The following TBC1D1 variants were observed in gnomAD, a reference collection of about 807,000 sequenced individuals.
TBC1D1 encodes TBC1 (tre-2/USP6, BUB2, cdc16) domain family, member 1.
Under a neutral mutation model 125.6 loss-of-function variants are expected in TBC1D1, and 89 were observed. That is an observed-to-expected ratio of 0.71 (90% confidence interval 0.60 to 0.85). The LOEUF (loss-of-function observed/expected upper bound fraction) is 0.85, where lower values mean the gene tolerates loss of function less well. Among genes scored for constraint, TBC1D1 ranks in the 40% least tolerant of loss-of-function variants. The probability of loss-of-function intolerance (pLI) is 0.00; values close to 1 mark genes in which losing one functional copy is unlikely to be tolerated. For missense variants in TBC1D1, 1,377 were observed against 1,469.2 expected (o/e 0.94, Z 1.03); for synonymous variants, 565 against 564.1 (o/e 1.00, Z -0.02).
intron 13 of TBC1D1, among the ~76,000 whole-genome samples, chr4:38,094,008 T>C (rs762936542): frequency 1.3e-4 from 20 of 152,236 alleles, no homozygotes; most frequent in Non-Finnish European, 1.9e-4. Context: ...AAATTTTGAA[T>C]TACAGTTGAT....
At chr4:38,051,600 C>CGTA (rs1472877655) in intron 11 of TBC1D1, among the ~76,000 whole-genome samples, 1 of 151,884 alleles carries the variant, frequency 6.6e-6, no homozygotes, top group East Asian at 1.9e-4. Flanking sequence ...ATCGTGCTAC[C>CGTA]GCACTCCAGC....
chr4:38,060,522 C>T, intron 12 of TBC1D1: 1 of 710,522 alleles, frequency 1.4e-6, no homozygotes, highest in Non-Finnish European at 2.1e-6. Context: ...TGAATATCTT[C>T]TTTTGAGAAG....
intron 2 of TBC1D1, among the ~76,000 whole-genome samples, chr4:37,943,452 C>G (rs1477037758): frequency 1.3e-5 from 2 of 152,214 alleles, no homozygotes; most frequent in South Asian, 2.1e-4. Flanking sequence ...GTTCCATTCT[C>G]CCCATCACTT....
chr4:38,046,188 A>T (rs1269205058), intron 10 of TBC1D1, among the ~76,000 whole-genome samples: 1 of 152,030 alleles, frequency 6.6e-6, no homozygotes, highest in Non-Finnish European at 1.5e-5. Flanking sequence ...GCACAGTGAA[A>T]CCCCGTCTCT....
chr4:38,004,687 C>A (rs1314386905), intron 2 of TBC1D1, among the ~76,000 whole-genome samples: 1 of 152,074 alleles, frequency 6.6e-6, no homozygotes, highest in Non-Finnish European at 1.5e-5. Flanking sequence ...GGTAAATTAC[C>A]ATTAAGTGTA....
rs1210557333 is a variant in TBC1D1 at position 37,977,783 on chromosome 4, C to T, written c.418-36726C>T. On this transcript the variant is annotated intron_variant, in intron 2 of 19. Coordinates refer to ENST00000261439, the MANE Select transcript of TBC1D1 (RefSeq NM_015173.4). The surrounding 1 kb of genome is among the most constrained non-coding windows in gnomAD (Gnocchi z 4.3). Reference sequence around the variant, plus strand: ...AGACTGAGGCTGTACTCGGGGACCCCTGCGGGAGCCCGAACCCAGCAGGCG... The same window carrying T: ...AGACTGAGGCTGTACTCGGGGACCCTTGCGGGAGCCCGAACCCAGCAGGCG... Among the ~76,000 whole-genome samples the T allele has an allele frequency of 1.3e-5, 2 of 152,246 alleles. No individual in the cohort carries two copies. Among genetic ancestry groups the T allele is most frequent in the South Asian group, 2.1e-4 (1 of 4,832 alleles).
intron 2 of TBC1D1, among the ~76,000 whole-genome samples, chr4:37,935,148 A>T (rs1353009357): frequency 6.6e-6 from 1 of 152,188 alleles, no homozygotes; most frequent in Admixed American, 6.5e-5. Context: ...TCTTCCCCAG[A>T]AATGAGCAAT....
chr4:37,909,487 C>T (rs1001606501), intron 2 of TBC1D1, among the ~76,000 whole-genome samples: 5 of 152,180 alleles, frequency 3.3e-5, no homozygotes. Context: ...TAGAGTCTGG[C>T]TTCAATTGCA....
intron 2 of TBC1D1, among the ~76,000 whole-genome samples, chr4:38,011,363 A>G (rs536386154): frequency 2.0e-5 from 3 of 152,038 alleles, no homozygotes; most frequent in Non-Finnish European, 2.9e-5. Context: ...CAAAAAAAAA[A>G]AAAAAGAAAA....
intron 12 of TBC1D1, among the ~76,000 whole-genome samples, chr4:38,085,647 C>T (rs1423485257): frequency 6.6e-6 from 1 of 152,210 alleles, no homozygotes; most frequent in Non-Finnish European, 1.5e-5. Context: ...GGCCTCTGTG[C>T]AGCTGTCTCT....
chr4:37,899,102 T>C (rs540295241), intron 1 of TBC1D1, among the ~76,000 whole-genome samples: 1 of 152,230 alleles, frequency 6.6e-6, no homozygotes, highest in South Asian at 2.1e-4. Flanking sequence ...CCAGGAAATA[T>C]GCGATGGGTG....
intron 18 of TBC1D1, among the ~76,000 whole-genome samples, chr4:38,130,521 C>T (rs888321750): frequency 6.6e-6 from 1 of 152,080 alleles, no homozygotes; most frequent in Non-Finnish European, 1.5e-5. Context: ...ACCTAAGAGC[C>T]AGGATGACAG....
chr4:38,016,125 C>T (rs180726488), intron 3 of TBC1D1, among the ~76,000 whole-genome samples: 1 of 152,252 alleles, frequency 6.6e-6, no homozygotes, highest in East Asian at 1.9e-4. Flanking sequence ...ATTTAGATTC[C>T]AGTAAGGGAG....
At chr4:38,058,212 G>C (rs182523263) in intron 12 of TBC1D1, among the ~76,000 whole-genome samples, 2 of 152,186 alleles carry the variant, frequency 1.3e-5, no homozygotes, top group African/African-American at 4.8e-5. Flanking sequence ...GACAAATCAG[G>C]CATCTTTGTC....
At chr4:38,113,580 G>A (rs1354746193) in intron 15 of TBC1D1, among the ~76,000 whole-genome samples, 1 of 152,222 alleles carries the variant, frequency 6.6e-6, no homozygotes, top group Non-Finnish European at 1.5e-5. Context: ...TTTGATACCA[G>A]ACGGAGGGGT....
intron 14 of TBC1D1, among the ~76,000 whole-genome samples, chr4:38,097,489 G>A (rs975553551): frequency 5.9e-5 from 9 of 152,040 alleles, no homozygotes; most frequent in Admixed American, 2.6e-4. Context: ...ACAGGTGCCC[G>A]CCACCATGCC....
At chr4:37,956,585 G>A (rs1728980132) in intron 2 of TBC1D1, among the ~76,000 whole-genome samples, 1 of 152,088 alleles carries the variant, frequency 6.6e-6, no homozygotes, top group Admixed American at 6.6e-5. Flanking sequence ...CTTCCATTCT[G>A]TGTCTTTTCC....
intron 2 of TBC1D1, among the ~76,000 whole-genome samples, chr4:37,943,584 T>C (rs1037599723): frequency 5.3e-5 from 8 of 152,212 alleles, no homozygotes; most frequent in Non-Finnish European, 1.0e-4. Context: ...ATTTCATTCA[T>C]TTGATCTTCA....
chr4:38,137,338 G>T lies in TBC1D1; in HGVS notation c.*3G>T. 1.2e-6 allele frequency: 2 copies of T among 1,607,696 alleles called. No homozygotes were observed. The highest frequency in any genetic ancestry group is 1.7e-6 in the Non-Finnish European group (2 of 1,177,606). On this transcript the variant is annotated 3_prime_UTR_variant, in exon 20 of 20. Coordinates refer to ENST00000261439, the MANE Select transcript of TBC1D1 (RefSeq NM_015173.4). ...AGCCCGAGCCCACGGGCGACTGACA[G>T]CTCTGCAGGAGAGATTGCAACACCA...
Sources: allele counts gnomAD v4.1 joint callset (sites outside exome capture counted in the v4.1 genomes callset), GRCh38; gene constraint gnomAD v4.1.1; non-coding constraint Gnocchi (gnomAD v3.1); transcripts MANE v1.5; gene names NCBI Gene and HGNC (gene_info 2026-07-23, HGNC 2026-07-21).